ADCY8: variants seen among roughly 807,000 people sequenced by gnomAD.
ADCY8 encodes the protein adenylate cyclase type 8.
In ADCY8, 51 loss-of-function variants were observed where a neutral mutation model predicts 119.7. That is an observed-to-expected ratio of 0.43 (90% CI 0.34 to 0.54). The LOEUF (loss-of-function observed/expected upper bound fraction) is 0.54. Among genes scored for constraint, ADCY8 ranks in the 20% least tolerant of loss-of-function variants. The pLI is 0.03. For missense variants in ADCY8, 1,383 were observed against 1,598.8 expected (o/e 0.87, Z 2.30); for synonymous variants, 665 against 651.0 (o/e 1.02, Z -0.33).
At chr8:130,924,410 G>A (rs1366182148) in intron 5 of ADCY8, among the ~76,000 whole-genome samples, 2 of 152,142 alleles carry the variant, frequency 1.3e-5, no homozygotes, top group Non-Finnish European at 1.5e-5. Flanking sequence ...GGGGACTGAC[G>A]CCCTTTGCTT....
At chr8:130,902,353 A>G (rs1819630071) in intron 7 of ADCY8, among the ~76,000 whole-genome samples, 1 of 152,188 alleles carries the variant, frequency 6.6e-6, no homozygotes, top group African/African-American at 2.4e-5. Context: ...TACCATGCAC[A>G]CCAACTCAGA....
intron 14 of ADCY8, among the ~76,000 whole-genome samples, chr8:130,807,019 G>T (rs1815982248): frequency 6.6e-6 from 1 of 152,176 alleles, no homozygotes; most frequent in Admixed American, 6.5e-5. Context: ...AAAACACTTT[G>T]TAAACTGGGG....
At chr8:130,947,444 T>C (rs1821138341) in intron 3 of ADCY8, among the ~76,000 whole-genome samples, 1 of 152,222 alleles carries the variant, frequency 6.6e-6, no homozygotes, top group Non-Finnish European at 1.5e-5. Context: ...ATGAAGGGTA[T>C]ATAACCTCTT....
chr8:130,808,284 C>T (rs1238905175), intron 14 of ADCY8, among the ~76,000 whole-genome samples: 1 of 151,978 alleles, frequency 6.6e-6, no homozygotes, highest in African/African-American at 2.4e-5. Context: ...ACATGGTTGG[C>T]CCTCAATAAA....
chr8:130,915,186 A>C (rs1470143337), intron 5 of ADCY8, among the ~76,000 whole-genome samples: 1 of 152,236 alleles, frequency 6.6e-6, no homozygotes, highest in Non-Finnish European at 1.5e-5. Flanking sequence ...CAAATCATGC[A>C]ACAATTAACA....
In ADCY8 at chr8:130,867,508, G is replaced by A. The variant is rs73717217; in HGVS notation, c.2210+338C>T. Among the ~76,000 whole-genome samples, 734 of 152,304 alleles carry A rather than the reference G, an allele frequency of 4.8e-3. 13 individuals carry two copies. The highest frequency in any genetic ancestry group is 0.017 in the African/African-American group (704 of 41,566). ...CAAGGAGCTACGATGCTGTATCTGT[G>A]AATGAATTATACTAACAAAAGCACA... On this transcript the variant is annotated intron_variant, in intron 9 of 17. Transcript: ENST00000286355.
chr8:130,848,544 T>A (rs1817405552), intron 10 of ADCY8, among the ~76,000 whole-genome samples: 1 of 152,176 alleles, frequency 6.6e-6, no homozygotes, highest in Non-Finnish European at 1.5e-5. Flanking sequence ...TGGGCCAAAT[T>A]GGACAGTGAT....
intron 15 of ADCY8, 86 bp downstream of exon 15, chr8:130,800,340 A>AAAT: frequency 1.9e-6 from 3 of 1,544,194 alleles, no homozygotes; most frequent in Non-Finnish European, 8.8e-7. Flanking sequence ...GCAAAAAAAA[A>AAAT]AAATAAGTAA....
rs1824273694 is a variant in ADCY8 at position 131,039,354 on chromosome 8, G to T, written c.960+20C>A. The T allele has an allele frequency of 6.2e-7, 1 of 1,607,962 alleles. No individual in the cohort carries two copies. Among genetic ancestry groups the T allele is most frequent in the East Asian group, 2.2e-5 (1 of 44,752 alleles). On this transcript the variant is annotated intron_variant, in intron 1 of 17. Coordinates refer to ENST00000286355, the MANE Select transcript of ADCY8 (RefSeq NM_001115.3). ...CGGGGAAGTTAGAGGGGAAACAAATGCAAGGCAGGCAGGAGTTACCTGGTT... is the reference window on the plus strand; with the variant it reads ...CGGGGAAGTTAGAGGGGAAACAAATTCAAGGCAGGCAGGAGTTACCTGGTT...
At chr8:130,928,048 CG>C (rs1460102280) in intron 5 of ADCY8, among the ~76,000 whole-genome samples, 2 of 152,070 alleles carry the variant, frequency 1.3e-5, no homozygotes, top group East Asian at 3.9e-4. Context: ...TGAGTAGTTA[CG>C]GGATTACCAG....
chr8:130,826,416 T>A (rs758011125), intron 12 of ADCY8, among the ~76,000 whole-genome samples: 1 of 152,080 alleles, frequency 6.6e-6, no homozygotes, highest in Non-Finnish European at 1.5e-5. Flanking sequence ...CTAAAACAAT[T>A]TTAGGTCAGA....
intron 1 of ADCY8, among the ~76,000 whole-genome samples, chr8:131,002,622 A>G (rs1377251071): frequency 6.6e-6 from 1 of 152,190 alleles, no homozygotes; most frequent in Non-Finnish European, 1.5e-5. Flanking sequence ...AAAAAATAAC[A>G]TAGCAATAAA....
chr8:130,879,347 C>A (rs1818684805), intron 8 of ADCY8, among the ~76,000 whole-genome samples: 1 of 152,178 alleles, frequency 6.6e-6, no homozygotes, highest in African/African-American at 2.4e-5. Flanking sequence ...ATGTGTAAAT[C>A]ATACCATCAA....
Position 131,039,980 on chromosome 8 carries a change from G to A in ADCY8, c.354C>T (p.Ala118=). 2 of 1,578,918 alleles carry A rather than the reference G, an allele frequency of 1.3e-6. No individual in the cohort carries two copies. Among genetic ancestry groups the A allele is most frequent in the Non-Finnish European group, 1.7e-6 (2 of 1,163,670 alleles). Residue 118 remains alanine, a synonymous_variant, in exon 1 of 18, where the codon GCC becomes GCT. Transcript: ENST00000286355. ...VFPERSGSGS[A]SGSGGGGDLG... Reference sequence around the variant, plus strand: ...GGTCGCCCCCGCCTCCGCTGCCGCTGGCACTGCCGCTCCCGCTGCGTTCCG... The same window carrying A: ...GGTCGCCCCCGCCTCCGCTGCCGCTAGCACTGCCGCTCCCGCTGCGTTCCG...
At chr8:131,024,508 G>T (rs1457419502) in intron 1 of ADCY8, among the ~76,000 whole-genome samples, 2 of 152,202 alleles carry the variant, frequency 1.3e-5, no homozygotes, top group Non-Finnish European at 2.9e-5. Flanking sequence ...TCCAGGTTGT[G>T]ACTATTCAGG....
intron 12 of ADCY8, among the ~76,000 whole-genome samples, chr8:130,825,558 C>T (rs1816644652): frequency 6.6e-6 from 1 of 152,124 alleles, no homozygotes; most frequent in Admixed American, 6.6e-5. Context: ...GTGCACTTGG[C>T]CCAAGTGAAG....
At chr8:131,018,650 A>C (rs1036081541) in intron 1 of ADCY8, among the ~76,000 whole-genome samples, 1 of 152,124 alleles carries the variant, frequency 6.6e-6, no homozygotes, top group African/African-American at 2.4e-5. Context: ...GTTTATGCTC[A>C]CTCCTATATA....
chr8:131,026,106 T>C (rs1823814825), intron 1 of ADCY8, among the ~76,000 whole-genome samples: 1 of 152,176 alleles, frequency 6.6e-6, no homozygotes. Context: ...ATGGTCTGAA[T>C]GTTTGTGTCC....
At chr8:130,906,386 T>G (rs758963460) in intron 6 of ADCY8, among the ~76,000 whole-genome samples, 9 of 152,230 alleles carry the variant, frequency 5.9e-5, no homozygotes, top group Non-Finnish European at 1.2e-4. Context: ...TATCAACCCC[T>G]TTTAGCATTT....
Sources: gnomAD v4.1 joint callset for allele counts (sites outside exome capture counted in the v4.1 genomes callset) on GRCh38, gnomAD v4.1.1 for gene constraint, MANE v1.5 for transcripts, NCBI Gene and HGNC (gene_info 2026-07-23, HGNC 2026-07-21) for gene names.